Variants in ADAMTS17 observed in about 807,000 individuals in gnomAD.
ADAMTS17 encodes ADAM metallopeptidase with thrombospondin type 1 motif 17.
ADAMTS17 carries 113 observed loss-of-function variants against 141.5 expected under a neutral mutation model. The observed-to-expected ratio is 0.80, with a 90% CI of 0.69 to 0.93. The LOEUF is 0.93. Among genes scored for constraint, ADAMTS17 ranks in the 40% least tolerant of loss-of-function variants. The pLI is 0.00. For missense variants in ADAMTS17, 1,659 were observed against 1,517.9 expected, an observed-to-expected ratio of 1.09 and a Z score of -1.54; for synonymous variants, 768 against 630.6, an observed-to-expected ratio of 1.22 and a Z score of -3.27.
At chr15:100,045,052 C>G (rs1207665855) in intron 18 of ADAMTS17, among the ~76,000 whole-genome samples, 1 of 152,122 alleles carries the variant, frequency 6.6e-6, no homozygotes, top group African/African-American at 2.4e-5. Flanking sequence ...AGTGATCTGC[C>G]TGCCTTGGCC....
At chr15:100,041,085 G>A (rs893939624) in intron 18 of ADAMTS17, among the ~76,000 whole-genome samples, 4 of 152,052 alleles carry the variant, frequency 2.6e-5, no homozygotes, top group Non-Finnish European at 4.4e-5. Flanking sequence ...ACATGCACGC[G>A]TGCACACACA....
At chr15:100,170,135 C>T (rs79059949) in intron 8 of ADAMTS17, among the ~76,000 whole-genome samples, 5,692 of 152,058 alleles carry the variant, frequency 0.037, 182 homozygotes, top group East Asian at 0.17. Context: ...GGCTTGGGAA[C>T]GATGGCGGGG....
At chr15:100,341,551 G>C in intron 1 of ADAMTS17, 142 bp from the exon 2 acceptor site, 1 of 865,606 alleles carries the variant, frequency 1.2e-6, no homozygotes, top group South Asian at 5.4e-5. Context: ...GCACCTCCAC[G>C]CTGGCCCGCG....
At chr15:100,107,979 C>T (rs1042763459) in intron 14 of ADAMTS17, among the ~76,000 whole-genome samples, 16 of 152,122 alleles carry the variant, frequency 1.1e-4, no homozygotes, top group Admixed American at 2.0e-4. Flanking sequence ...AAAGCTTCGA[C>T]ACCCACTCCC....
At chr15:100,155,563 CAAT>C (rs1288981391) in intron 8 of ADAMTS17, among the ~76,000 whole-genome samples, 2 of 152,170 alleles carry the variant, frequency 1.3e-5, no homozygotes, top group Non-Finnish European at 2.9e-5. Context: ...CACTAAATAA[CAAT>C]AAATCAACAA....
rs565640265 is a variant in ADAMTS17, at chr15:99,973,623, C to T, written c.*779G>A. On this transcript the variant is annotated 3_prime_UTR_variant, in exon 22 of 22. Transcript: ENST00000268070. ...ACCGCAATTACCGTTTCTTATGTCA[C>T]AGCACCTTGAAGAGAGGCCCTTCTG... is the stretch of plus-strand genomic sequence containing the variant. 1.3e-5 allele frequency: 2 copies of T among 152,558 alleles called. No homozygotes were observed. Among genetic ancestry groups the T allele is most frequent in the South Asian group, 2.1e-4 (1 of 4,812 alleles). The allele number at this position is 152,558 out of a possible 1,614,324, so 9.5% of individuals were successfully genotyped here.
chr15:100,337,227 T>C (rs2046233911), intron 2 of ADAMTS17, among the ~76,000 whole-genome samples: 1 of 152,368 alleles, frequency 6.6e-6, no homozygotes, highest in South Asian at 2.1e-4. Context: ...ATTAGAGGTA[T>C]GCATTCTCTA....
intron 7 of ADAMTS17, among the ~76,000 whole-genome samples, chr15:100,249,965 G>A (rs1394158423): frequency 1.3e-5 from 2 of 152,204 alleles, no homozygotes; most frequent in Admixed American, 6.5e-5. Flanking sequence ...TCTGAGTTAT[G>A]GTTTCAAGAG....
chr15:100,252,706 G>C (rs576751501), intron 7 of ADAMTS17, among the ~76,000 whole-genome samples: 1 of 152,202 alleles, frequency 6.6e-6, no homozygotes, highest in Non-Finnish European at 1.5e-5. Flanking sequence ...CACGGCCTTT[G>C]TCTAGCAATT....
chr15:100,019,235 T>C (rs1407399936), intron 18 of ADAMTS17, among the ~76,000 whole-genome samples: 1 of 152,174 alleles, frequency 6.6e-6, no homozygotes, highest in Non-Finnish European at 1.5e-5. Context: ...TGTGGATATA[T>C]ACATATATAG....
intron 3 of ADAMTS17, among the ~76,000 whole-genome samples, chr15:100,282,226 T>C (rs545728007): frequency 6.6e-6 from 1 of 152,350 alleles, no homozygotes; most frequent in Admixed American, 6.5e-5. Flanking sequence ...GTCTCTCTCA[T>C]TTGATAGTTA....
chr15:100,222,132 A>G (rs900462621), intron 7 of ADAMTS17, among the ~76,000 whole-genome samples: 1 of 152,236 alleles, frequency 6.6e-6, no homozygotes, highest in African/African-American at 2.4e-5. Context: ...GCAATTTGCA[A>G]CGTGACTATT....
intron 7 of ADAMTS17, among the ~76,000 whole-genome samples, chr15:100,242,513 C>T (rs934243119): frequency 6.6e-6 from 1 of 152,182 alleles, no homozygotes; most frequent in Admixed American, 6.5e-5. Flanking sequence ...CTCTAATTCA[C>T]TCCCTGGTGA....
intron 15 of ADAMTS17, among the ~76,000 whole-genome samples, chr15:100,088,096 T>C (rs551974774): frequency 1.6e-4 from 24 of 152,262 alleles, no homozygotes; most frequent in Admixed American, 1.2e-3. Flanking sequence ...AACCCCACCA[T>C]CTCAGCCCAA....
chr15:100,175,757 C>G (rs2040315964), intron 8 of ADAMTS17, among the ~76,000 whole-genome samples: 1 of 151,938 alleles, frequency 6.6e-6, no homozygotes. Context: ...CTTGTGGTGA[C>G]CTCATTGTCT....
intron 18 of ADAMTS17, among the ~76,000 whole-genome samples, chr15:100,044,779 GAAGAT>G (rs2141555354): frequency 6.6e-6 from 1 of 151,462 alleles, no homozygotes; most frequent in Non-Finnish European, 1.5e-5. Context: ...TCAACAGAAA[GAAGAT>G]GAGAACTGGA....
intron 19 of ADAMTS17, among the ~76,000 whole-genome samples, chr15:99,994,922 C>G (rs1336277898): frequency 6.6e-6 from 1 of 152,238 alleles, no homozygotes; most frequent in Non-Finnish European, 1.5e-5. Context: ...GGTTTTCTTT[C>G]AAGGCTAATT....
At chr15:100,153,334 C>T (rs76807483) in intron 9 of ADAMTS17, among the ~76,000 whole-genome samples, 2,200 of 152,108 alleles carry the variant, frequency 0.014, 38 homozygotes, top group East Asian at 0.056. Flanking sequence ...CAGTGAGAGG[C>T]GCGTCTCTAA....
At chr15:100,248,174 C>T (rs1247496346) in intron 7 of ADAMTS17, among the ~76,000 whole-genome samples, 2 of 152,174 alleles carry the variant, frequency 1.3e-5, no homozygotes, top group Non-Finnish European at 2.9e-5. Flanking sequence ...AGGATCACCC[C>T]TCTCCCTCAC....
Sources: gnomAD v4.1 joint callset for allele counts (sites outside exome capture counted in the v4.1 genomes callset) on GRCh38, gnomAD v4.1.1 for gene constraint, MANE v1.5 for transcripts, NCBI Gene and HGNC (gene_info 2026-07-23, HGNC 2026-07-21) for gene names.